Variants in CELF4 observed in about 807,000 individuals in gnomAD.
The protein encoded by CELF4 is CUG-BP- and ETR-3-like factor 4.
Under a neutral mutation model 59.9 loss-of-function variants are expected in CELF4, and 18 were observed. The observed-to-expected ratio is 0.30, with a 90% CI of 0.21 to 0.45. The LOEUF (loss-of-function observed/expected upper bound fraction) is 0.45. Among genes scored for constraint, CELF4 ranks in the 20% least tolerant of loss-of-function variants. CELF4 has a pLI of 1.00. For missense variants in CELF4, 456 were observed against 689.0 expected (o/e 0.66, Z 3.79); for synonymous variants, 261 against 267.1 (o/e 0.98, Z 0.22).
At chr18:37,470,874 G>GAC (rs2099819596) in intron 2 of CELF4, among the ~76,000 whole-genome samples, 25 of 105,650 alleles carry the variant, frequency 2.4e-4, no homozygotes, top group South Asian at 6.4e-4. Context: ...GTGTGTGTGT[G>GAC]TGTGTGTGTG....
At chr18:37,393,621 G>A (rs2099194555) in intron 2 of CELF4, among the ~76,000 whole-genome samples, 1 of 152,188 alleles carries the variant, frequency 6.6e-6, no homozygotes, top group Non-Finnish European at 1.5e-5. Context: ...AGAGGCATGT[G>A]GTGGGGAGAG....
At chr18:37,335,983 A>G (rs1229624351) in intron 2 of CELF4, among the ~76,000 whole-genome samples, 2 of 151,698 alleles carry the variant, frequency 1.3e-5, no homozygotes, top group East Asian at 3.9e-4. Context: ...CCTAGCTTGG[A>G]CTCCAACTCT....
chr18:37,478,659 G>A lies in CELF4; in HGVS notation c.369+6866C>T, dbSNP rs540743592. On this transcript the variant is annotated intron_variant, in intron 2 of 12. Transcript: ENST00000420428. ...GTCTCTGTGGGGAGGAGATTGAAAA[G>A]ATTTTGCATGAACACAGTGGGACAG... Among the ~76,000 whole-genome samples, 229 of 152,338 alleles carry A rather than the reference G, an allele frequency of 1.5e-3. 1 individual carries two copies. The highest frequency in any genetic ancestry group is 4.4e-3 in the South Asian group (21 of 4,826).
At chr18:37,301,160 G>A (rs1316205821) in intron 3 of CELF4, among the ~76,000 whole-genome samples, 1 of 152,200 alleles carries the variant, frequency 6.6e-6, no homozygotes, top group East Asian at 1.9e-4. Flanking sequence ...GTTCAGATGA[G>A]CAAAACTGTG....
chr18:37,308,451 G>T (rs982129023), intron 3 of CELF4, among the ~76,000 whole-genome samples: 1 of 152,158 alleles, frequency 6.6e-6, no homozygotes, highest in African/African-American at 2.4e-5. Context: ...GCTCCAGCGG[G>T]CACAGGCCAC....
intron 3 of CELF4, chr18:37,306,350 G>T (rs1036812745): frequency 6.6e-6 from 1 of 152,384 alleles, no homozygotes; most frequent in Non-Finnish European, 1.5e-5. Context: ...TCTAATGCTA[G>T]GGCCGGGGGC....
At chr18:37,487,374 C>T (rs1008025164) in intron 1 of CELF4, among the ~76,000 whole-genome samples, 2 of 152,198 alleles carry the variant, frequency 1.3e-5, no homozygotes, top group Admixed American at 6.5e-5. Flanking sequence ...GCTCCCAGTG[C>T]CCCCTCTGCC....
chr18:37,559,471 G>A (rs946035571), intron 1 of CELF4, among the ~76,000 whole-genome samples: 2 of 152,108 alleles, frequency 1.3e-5, no homozygotes, highest in Admixed American at 6.5e-5. Context: ...CACTGTAAAC[G>A]GGCACTCCCA....
In CELF4 at chr18:37,565,581, T is replaced by G. The variant is rs745428600; in HGVS notation, c.61A>C (p.Asn21His). ...CTGCCCGGGCTGCTGCCGAGCCCGT[T>G]GGTACTGAGGCTTGCGTTGTCAGCC... The part of the protein sequence containing the change: ...GQADNASLST[N>H]GLGSSPGSAG... Residue 21 changes from asparagine to histidine, a missense_variant, in exon 1 of 13, where the codon AAC becomes CAC. By Grantham distance (68) the Asn-to-His change is moderately conservative. Coordinates refer to ENST00000420428, the MANE Select transcript of CELF4 (RefSeq NM_020180.4). 6.2e-7 allele frequency: 1 copy of G among 1,614,040 alleles called. No individual in the cohort carries two copies. The highest frequency in any genetic ancestry group is 2.2e-5 in the East Asian group (1 of 44,866).
intron 10 of CELF4, 127 bp downstream of exon 10, chr18:37,264,547 C>A: frequency 1.3e-6 from 1 of 750,712 alleles, no homozygotes; most frequent in Non-Finnish European, 2.2e-6. Context: ...CTTCCCTTGC[C>A]CACCTCAACA....
chr18:37,352,694 G>A (rs1170700395), intron 2 of CELF4, among the ~76,000 whole-genome samples: 1 of 152,138 alleles, frequency 6.6e-6, no homozygotes, highest in East Asian at 1.9e-4. Context: ...ACTATTCTCA[G>A]CCACCAGATT....
chr18:37,396,555 T>C (rs2099248040), intron 2 of CELF4, among the ~76,000 whole-genome samples: 1 of 152,164 alleles, frequency 6.6e-6, no homozygotes, highest in Non-Finnish European at 1.5e-5. Flanking sequence ...GGTGTTTCCA[T>C]TGCTCACAGC....
At chr18:37,281,981 G>A (rs533625626) in intron 3 of CELF4, among the ~76,000 whole-genome samples, 8 of 152,326 alleles carry the variant, frequency 5.3e-5, no homozygotes, top group Admixed American at 1.3e-4. Context: ...GGCCAATGGT[G>A]TCCTCCAGAT....
chr18:37,274,221 T>C, intron 6 of CELF4, 90 bp downstream of exon 6: 8 of 1,573,712 alleles, frequency 5.1e-6, no homozygotes, highest in Non-Finnish European at 6.9e-6. Flanking sequence ...GGGCAAGGGA[T>C]AGAGTAGTAT....
chr18:37,563,740 C>A (rs1019056108), intron 1 of CELF4, among the ~76,000 whole-genome samples: 11 of 151,304 alleles, frequency 7.3e-5, no homozygotes, highest in Non-Finnish European at 1.3e-4. Flanking sequence ...CCCACCCCAA[C>A]AAACCCAGTA....
chr18:37,491,008 TG>T (rs909994552), intron 1 of CELF4, among the ~76,000 whole-genome samples: 5 of 151,742 alleles, frequency 3.3e-5, no homozygotes, highest in African/African-American at 1.2e-4. Context: ...GAGACAGCTT[TG>T]GAAATCATCC....
intron 2 of CELF4, among the ~76,000 whole-genome samples, chr18:37,416,461 G>A (rs896141609): frequency 9.2e-5 from 14 of 152,158 alleles, no homozygotes; most frequent in African/African-American, 3.4e-4. Flanking sequence ...TCACATGGGT[G>A]TCTTGTCTTT....
chr18:37,294,882 T>A (rs1569542360), intron 3 of CELF4, among the ~76,000 whole-genome samples: 1 of 152,192 alleles, frequency 6.6e-6, no homozygotes, highest in Non-Finnish European at 1.5e-5. Flanking sequence ...ACATTTCCCA[T>A]CCTGAAGACC....
chr18:37,406,428 C>T (rs1300316491), intron 2 of CELF4, among the ~76,000 whole-genome samples: 3 of 152,130 alleles, frequency 2.0e-5, no homozygotes, highest in Non-Finnish European at 2.9e-5. Flanking sequence ...CGTCCCTATC[C>T]ATCTGGTTTA....
Sources: gnomAD v4.1 joint callset for allele counts (sites outside exome capture counted in the v4.1 genomes callset) on GRCh38, gnomAD v4.1.1 for gene constraint, MANE v1.5 for transcripts, NCBI Gene and HGNC (gene_info 2026-07-23, HGNC 2026-07-21) for gene names.